Variants in THSD4 observed in about 807,000 individuals in gnomAD.
THSD4 encodes the protein thrombospondin type-1 domain-containing protein 4.
Under a neutral mutation model 119.0 loss-of-function variants are expected in THSD4, and 69 were observed. The ratio of observed to expected loss-of-function variants is 0.58; its 90% CI spans 0.48 to 0.71. THSD4 has a LOEUF of 0.71. Ranked by LOEUF, THSD4 falls within the 30% of genes least tolerant of loss-of-function variation. The pLI, the probability that THSD4 is intolerant of heterozygous loss-of-function variation, is 0.00. For synonymous variants in THSD4, 524 were observed against 540.4 expected, an observed-to-expected ratio of 0.97 and a Z score of 0.42; for missense variants, 1,393 against 1,391.1, an observed-to-expected ratio of 1.00 and a Z score of -0.02.
chr15:71,728,822 C>T (rs569914116), intron 9 of THSD4, 98 bp downstream of exon 9: 62 of 1,493,414 alleles, frequency 4.2e-5, no homozygotes, highest in Middle Eastern at 3.4e-4. Flanking sequence ...ATTGCCCATA[C>T]TCAATAAAAA....
chr15:71,748,685 A>C lies in THSD4; in HGVS notation c.2415+91A>C, dbSNP rs573854084. Reference sequence around the variant, plus strand: ...AGATGAGTCACTAGCTCAGAATCCCAAGACTGATTTCTGGCTCTGGGGGGA... The same window carrying C: ...AGATGAGTCACTAGCTCAGAATCCCCAGACTGATTTCTGGCTCTGGGGGGA... On this transcript the variant is annotated intron_variant, in intron 14 of 17. Coordinates refer to ENST00000261862, the MANE Select transcript of THSD4 (RefSeq NM_024817.3). The C allele has an allele frequency of 1.7e-5, 25 of 1,472,826 alleles. No homozygotes were observed. In the South Asian group the frequency reaches 3.0e-4, roughly 18 times the overall value. The allele number at this position is 1,472,826 out of a possible 1,614,324, so 91.2% of individuals were successfully genotyped here. A position where few individuals can be genotyped will look rare whatever the true frequency, so the allele number is the denominator to read the frequency against.
chr15:71,204,376 C>T (rs1414543564), intron 3 of THSD4, among the ~76,000 whole-genome samples: 6 of 152,158 alleles, frequency 3.9e-5, no homozygotes, highest in Admixed American at 6.5e-5. Flanking sequence ...CTTTGCACTG[C>T]GTTTAGGGAA....
chr15:71,339,643 T>C (rs957356299), intron 6 of THSD4, among the ~76,000 whole-genome samples: 13 of 152,176 alleles, frequency 8.5e-5, no homozygotes, highest in African/African-American at 2.9e-4. Flanking sequence ...GATAAGTTCT[T>C]AATTGCCCTG....
At chr15:71,547,551 C>A in intron 7 of THSD4, 1 of 1,512,266 alleles carries the variant, frequency 6.6e-7, no homozygotes, top group Non-Finnish European at 8.9e-7. Context: ...TTCTATCTAC[C>A]AAGAGGGATC....
At chr15:71,570,763 C>G (rs2049335109) in intron 7 of THSD4, among the ~76,000 whole-genome samples, 1 of 152,122 alleles carries the variant, frequency 6.6e-6, no homozygotes, top group African/African-American at 2.4e-5. Flanking sequence ...TTGGGCGAGT[C>G]CTTCTTCTCC....
At chr15:71,558,708 C>G (rs2049063806) in intron 7 of THSD4, among the ~76,000 whole-genome samples, 1 of 152,124 alleles carries the variant, frequency 6.6e-6, no homozygotes, top group African/African-American at 2.4e-5. Context: ...TGGGCTCAAG[C>G]AATCCTTCCA....
intron 3 of THSD4, chr15:71,164,802 C>A: frequency 1.3e-6 from 2 of 1,591,834 alleles, no homozygotes; most frequent in Non-Finnish European, 1.7e-6. Flanking sequence ...TCTTCATCTT[C>A]ATCTTCTTCA....
chr15:71,725,932 C>T (rs1015930979), intron 8 of THSD4, among the ~76,000 whole-genome samples: 2 of 152,088 alleles, frequency 1.3e-5, no homozygotes, highest in Non-Finnish European at 2.9e-5. Flanking sequence ...CAGGCATGCG[C>T]CACCATGCCT....
At chr15:71,751,612 G>A (rs1232723533) in intron 14 of THSD4, among the ~76,000 whole-genome samples, 1 of 151,862 alleles carries the variant, frequency 6.6e-6, no homozygotes, top group African/African-American at 2.4e-5. Flanking sequence ...CTATATAACT[G>A]AAACAATCTC....
At chr15:71,607,109 C>A (rs1436024718) in intron 7 of THSD4, among the ~76,000 whole-genome samples, 2 of 152,148 alleles carry the variant, frequency 1.3e-5, no homozygotes, top group Non-Finnish European at 2.9e-5. Context: ...ATCAGAGATG[C>A]TCTGACACTG....
chr15:71,314,465 C>T (rs144150577), intron 6 of THSD4, among the ~76,000 whole-genome samples: 8 of 152,112 alleles, frequency 5.3e-5, no homozygotes, highest in East Asian at 3.9e-4. Context: ...CACTACCACG[C>T]GCAGCTAATT....
chr15:71,601,595 A>G (rs900659772), intron 7 of THSD4, among the ~76,000 whole-genome samples: 1 of 152,218 alleles, frequency 6.6e-6, no homozygotes, highest in Non-Finnish European at 1.5e-5. Context: ...ACTCATTAAG[A>G]GCGTTTTCAA....
At chr15:71,126,435 A>G (rs2040457357) in intron 1 of THSD4, among the ~76,000 whole-genome samples, 1 of 152,218 alleles carries the variant, frequency 6.6e-6, no homozygotes, top group Admixed American at 6.5e-5. Context: ...CGTGGCCATC[A>G]TGTTGGGGGC....
intron 6 of THSD4, among the ~76,000 whole-genome samples, chr15:71,340,574 A>G (rs2045552829): frequency 7.1e-6 from 1 of 141,148 alleles, no homozygotes. Context: ...TTGTAGGTCC[A>G]TGTTTGGGCC....
chr15:71,294,923 T>TAA (rs10656605), intron 6 of THSD4, among the ~76,000 whole-genome samples: 75,766 of 138,020 alleles, frequency 0.55, 21,471 homozygotes, highest in Admixed American at 0.68. Context: ...CTCACAGCTG[T>TAA]AAAAAAAAAA....
At chr15:71,376,166 G>A (rs1445506236) in intron 6 of THSD4, among the ~76,000 whole-genome samples, 1 of 152,130 alleles carries the variant, frequency 6.6e-6, no homozygotes, top group Non-Finnish European at 1.5e-5. Context: ...TGCAGGAGGA[G>A]GAGTACTCAC....
chr15:71,715,678 C>A (rs926813646), intron 8 of THSD4, among the ~76,000 whole-genome samples: 1 of 151,974 alleles, frequency 6.6e-6, no homozygotes, highest in Non-Finnish European at 1.5e-5. Flanking sequence ...AAAACATCAG[C>A]TGTCCATGAC....
intron 6 of THSD4, among the ~76,000 whole-genome samples, chr15:71,354,885 A>G (rs1337104451): frequency 6.6e-6 from 1 of 152,186 alleles, no homozygotes; most frequent in Non-Finnish European, 1.5e-5. Context: ...AGAACATTTC[A>G]TCTTGTATGA....
chr15:71,306,307 C>CAAAAA (rs67260180), intron 6 of THSD4, among the ~76,000 whole-genome samples: 46 of 62,942 alleles, frequency 7.3e-4, no homozygotes, highest in African/African-American at 2.8e-3. Context: ...ACTCTTGCCT[C>CAAAAA]AAAAAAAAAA....
Sources: gnomAD v4.1 joint callset for allele counts (sites outside exome capture counted in the v4.1 genomes callset) on GRCh38, gnomAD v4.1.1 for gene constraint, MANE v1.5 for transcripts, NCBI Gene and HGNC (gene_info 2026-07-23, HGNC 2026-07-21) for gene names.